The following MAZ variants were observed in gnomAD, a reference collection of about 807,000 sequenced individuals.
MAZ encodes MYC associated zinc finger protein.
Under a neutral mutation model 32.7 loss-of-function variants are expected in MAZ, and 4 were observed. The observed-to-expected ratio is 0.12, with a 90% confidence interval of 0.06 to 0.28. MAZ has a LOEUF of 0.28. Among genes scored for constraint, MAZ ranks in the 10% least tolerant of loss-of-function variants. The pLI, the probability that MAZ is intolerant of heterozygous loss-of-function variation, is 1.00. For synonymous variants in MAZ, 510 were observed against 297.6 expected (o/e 1.71, Z -7.35); for missense variants, 763 against 667.2 (o/e 1.14, Z -1.58).
Position 29,810,644 on chromosome 16 carries a change from A to T in MAZ, c.*413A>T. The T allele has an allele frequency of 7.2e-6, 4 of 554,514 alleles. No homozygotes were observed. The highest frequency in any genetic ancestry group is 1.3e-5 in the Non-Finnish European group (4 of 309,670). The allele number at this position is 554,514 out of a possible 1,614,324, so 34.3% of individuals were successfully genotyped here. A position where few individuals can be genotyped will look rare whatever the true frequency, so the allele number is the denominator to read the frequency against. On this transcript the variant is annotated 3_prime_UTR_variant, in exon 5 of 5. Transcript: ENST00000322945. ...TGCTGTCTGCAGCCCCTCCCCGGGG[A>T]GTTGGTGCTTTCTTTTCCTTTTTTT...
chr16:29,808,360 A>G (rs1489925141), intron 3 of MAZ, 67 bp downstream of exon 3: 4 of 1,477,098 alleles, frequency 2.7e-6, no homozygotes, highest in Non-Finnish European at 3.8e-6. Flanking sequence ...TGTCTGAGTC[A>G]GTCTCTCAGA....
Position 29,808,227 on chromosome 16 carries a change from C to G in MAZ, c.1044-3C>G. 1 of 1,613,946 alleles carries G rather than the reference C, an allele frequency of 6.2e-7. No homozygotes were observed. Among genetic ancestry groups the G allele is most frequent in the Non-Finnish European group, 8.5e-7 (1 of 1,179,880 alleles). ...CCTAACCCCAACCCCAACGTGTCCCCAGGCCGGATCACCTCAACAGTCACG... is the reference window on the plus strand; with the variant it reads ...CCTAACCCCAACCCCAACGTGTCCCGAGGCCGGATCACCTCAACAGTCACG... On this transcript the variant is annotated splice_polypyrimidine_tract_variant and splice_region_variant and intron_variant, in intron 2 of 4. Coordinates refer to ENST00000322945, the MANE Select transcript of MAZ (RefSeq NM_002383.4).
In MAZ at chr16:29,810,829, A is replaced by G. The variant is rs2142412925; in HGVS notation, c.*598A>G. ...GGGGTCAGGCCCTGAACATCGTCCT[A>G]CTTGAGAATCTGTCAGGGGAAAAAG... On this transcript the variant is annotated 3_prime_UTR_variant, in exon 5 of 5. Transcript: ENST00000322945. 13 of 342,792 alleles carry G rather than the reference A, an allele frequency of 3.8e-5. No individual in the cohort carries two copies. The highest frequency in any genetic ancestry group is 3.0e-4 in the South Asian group (13 of 44,014). The allele number at this position is 342,792 out of a possible 1,614,324, so 21.2% of individuals were successfully genotyped here. A position where few individuals can be genotyped will look rare whatever the true frequency, so the allele number is the denominator to read the frequency against.
At position 29,806,578 on chromosome 16, in the gene MAZ, C is replaced by T. The variant is rs1187104008; in HGVS notation, c.-124C>T. 5 of 959,556 alleles carry T rather than the reference C, an allele frequency of 5.2e-6. No individual in the cohort carries two copies. Among genetic ancestry groups the T allele is most frequent in the Non-Finnish European group, 6.2e-6 (5 of 812,978 alleles). The allele number at this position is 959,556 out of a possible 1,614,324, so 59.4% of individuals were successfully genotyped here. On this transcript the variant is annotated 5_prime_UTR_variant, in exon 1 of 5. Transcript: ENST00000322945. ...GGGGTGCGCGGGCGGCGGGGCGGCC[C>T]GCGGGCCATGCGTTCGGCGCGGCCC...
At chr16:29,807,943 C>G (rs1221379234) in intron 2 of MAZ, 115 bp downstream of exon 2, 2 of 1,492,016 alleles carry the variant, frequency 1.3e-6, no homozygotes, top group Non-Finnish European at 1.8e-6. Context: ...GGAAGGGGAG[C>G]CACTCCCAGG....
At chr16:29,809,625 G>T in intron 4 of MAZ, 1 of 1,610,770 alleles carries the variant, frequency 6.2e-7, no homozygotes, top group Non-Finnish European at 8.5e-7. Context: ...TCCTGTGCAA[G>T]CTGTGCAGCG....
rs1372761497 is a variant in MAZ, at chr16:29,807,607, C to T, written c.822C>T (p.Arg274=). The change falls in exon 2 of 5, where the codon CGC becomes CGT. Residue 274 remains arginine, a synonymous_variant. Coordinates refer to ENST00000322945, the MANE Select transcript of MAZ (RefSeq NM_002383.4). ...GVVTTTASGK[R]IRKNHACEMC... ...TGACCACGACCGCCTCGGGGAAGCGCATCCGGAAGAACCATGCCTGCGAGA... is the reference window on the plus strand; with the variant it reads ...TGACCACGACCGCCTCGGGGAAGCGTATCCGGAAGAACCATGCCTGCGAGA... 7 of 1,612,284 alleles carry T rather than the reference C, an allele frequency of 4.3e-6. No individual in the cohort carries two copies. In the South Asian group the frequency reaches 5.5e-5, roughly 13 times the overall value.
rs1388556949 is a variant in MAZ at position 29,807,843 on chromosome 16, T to G, written c.1043+15T>G. On this transcript the variant is annotated intron_variant, in intron 2 of 4. Transcript: ENST00000322945. ...AGCTTCTCCCGGTGTGCACGGGGCCTCGGCCGCCCGCTAGGCCGTGGGGAG... is the reference window on the plus strand; with the variant it reads ...AGCTTCTCCCGGTGTGCACGGGGCCGCGGCCGCCCGCTAGGCCGTGGGGAG... 6.3e-7 allele frequency: 1 copy of G among 1,597,310 alleles called. No homozygotes were observed. Among genetic ancestry groups the G allele is most frequent in the Non-Finnish European group, 8.5e-7 (1 of 1,175,758 alleles).
At chr16:29,809,682 T>A in intron 4 of MAZ, 1 of 1,543,080 alleles carries the variant, frequency 6.5e-7, no homozygotes, top group Non-Finnish European at 8.7e-7. Context: ...TGCAGACCCA[T>A]CTGGGGGGGG....
At chr16:29,806,150 TC>T, upstream of MAZ, 2 of 1,192,070 alleles carry the variant, frequency 1.7e-6, no homozygotes, top group Non-Finnish European at 2.2e-6. Flanking sequence ...CCGCCATGGA[TC>T]CCAGCAACTG....
Position 29,807,210 on chromosome 16 carries a change from C to A in MAZ, c.425C>A (p.Ala142Glu). 1 of 1,230,832 alleles carries A rather than the reference C, an allele frequency of 8.1e-7. No individual in the cohort carries two copies. The allele number at this position is 1,230,832 out of a possible 1,614,324, so 76.2% of individuals were successfully genotyped here. Residue 142 changes from alanine to glutamate, a missense_variant, in exon 2 of 5, where the codon GCG (alanine) becomes GAG (glutamate). Transcript: ENST00000322945. ...CCTCCGCCACCCCCGCCAGTGTCGG[C>A]GCCCGCGGCCGAGGCCGCGCCCCCC... is the stretch of plus-strand genomic sequence containing the variant. Reference protein sequence around the residue: ...APPPPPPPVSAPAAEAAPPAS... With the variant: ...APPPPPPPVSEPAAEAAPPAS...
chr16:29,809,094 G>A lies in MAZ; in HGVS notation c.1279+353G>A, dbSNP rs1899746563. On this transcript the variant is annotated intron_variant, in intron 4 of 4. Transcript: ENST00000322945. ...CAAGGTCTTGTCTCCAGCTCCTGGG[G>A]CAGGTGGAGTACACGGGCCGGGCTT... 7 of 520,292 alleles carry A rather than the reference G, an allele frequency of 1.3e-5. No homozygotes were observed. The South Asian group carries it at 1.4e-4, about 11-fold the overall frequency. 32.2% of individuals were successfully genotyped at this position (520,292 alleles called of 1,614,324 possible).
intron 4 of MAZ, chr16:29,809,033 C>T (rs555129005): frequency 8.6e-5 from 47 of 545,204 alleles, no homozygotes; most frequent in Non-Finnish European, 1.4e-4. Flanking sequence ...AAGCCAGTTC[C>T]AGGGGTCACA....
rs754390796 is a variant in MAZ at position 29,806,670 on chromosome 16, T to C, written c.-32T>C. 1 of 1,041,906 alleles carries C rather than the reference T, an allele frequency of 9.6e-7. No homozygotes were observed. 64.5% of individuals were successfully genotyped at this position (1,041,906 alleles called of 1,614,324 possible). On this transcript the variant is annotated 5_prime_UTR_variant, in exon 1 of 5. The change abolishes the stop of an existing upstream ORF in the 5' untranslated region. Coordinates refer to ENST00000322945, the MANE Select transcript of MAZ (RefSeq NM_002383.4). Reference sequence around the variant, plus strand: ...CGCGGCCCGCGCCCCCGGCCCCCGCTGAGCCCCGGGGGCCCCGCTGCGGCC... The same window carrying C: ...CGCGGCCCGCGCCCCCGGCCCCCGCCGAGCCCCGGGGGCCCCGCTGCGGCC...
rs747037907 is a variant in MAZ at position 29,807,363 on chromosome 16, C to T, written c.578C>T (p.Ala193Val). Reference protein sequence around the residue: ...KTKSKGPYICALCAKEFKNGY... With the variant: ...KTKSKGPYICVLCAKEFKNGY... ...AAGAGCAAGGGGCCCTACATCTGCG[C>T]TCTGTGCGCCAAGGAGTTCAAGAAC... Residue 193 changes from alanine to valine, a missense_variant, in exon 2 of 5, where the codon GCT becomes GTT. Ala to Val is a moderately conservative substitution (Grantham distance 64). Transcript: ENST00000322945. 53 of 1,612,194 alleles carry T rather than the reference C, an allele frequency of 3.3e-5. No homozygotes were observed. The highest frequency in any genetic ancestry group is 1.2e-4 in the Admixed American group (7 of 59,976).
chr16:29,810,401 T>G lies in MAZ; in HGVS notation c.*170T>G. 1 of 779,366 alleles carries G rather than the reference T, an allele frequency of 1.3e-6. No individual in the cohort carries two copies. 48.3% of individuals were successfully genotyped at this position (779,366 alleles called of 1,614,324 possible). A position where few individuals can be genotyped will look rare whatever the true frequency, so the allele number is the denominator to read the frequency against. ...GGGGAATTCGCTAGGTTTTAACGAT[T>G]TGTTTCTCCTGCTCCTCTTCTGTCA... On this transcript the variant is annotated 3_prime_UTR_variant, in exon 5 of 5. Transcript: ENST00000322945.
intron 1 of MAZ, 32 bp from the exon 2 acceptor site, chr16:29,806,945 AC>A: frequency 8.8e-7 from 1 of 1,139,590 alleles, no homozygotes; most frequent in Non-Finnish European, 1.1e-6. Context: ...GCCCGCCCGC[AC>A]CCGCGGCCCA....
At chr16:29,809,191 G>A in intron 4 of MAZ, 1 of 497,920 alleles carries the variant, frequency 2.0e-6, no homozygotes, top group Non-Finnish European at 3.5e-6. Flanking sequence ...ACTGGGTTGA[G>A]ACCGCGGGGC....
chr16:29,808,200 G>GC, intron 2 of MAZ, 30 bp from the exon 3 acceptor site: 1 of 1,603,972 alleles, frequency 6.2e-7, no homozygotes, highest in African/African-American at 1.3e-5. Flanking sequence ...CACCACCTCC[G>GC]CCCTAACCCC....
Sources: gnomAD v4.1 joint callset for allele counts on GRCh38, gnomAD v4.1.1 for gene constraint, MANE v1.5 for transcripts, NCBI Gene and HGNC (gene_info 2026-07-23, HGNC 2026-07-21) for gene names.